The following GYG1 variants were observed in gnomAD, a reference collection of about 807,000 sequenced individuals.
GYG1 encodes glycogenin-1.
Under a neutral mutation model 41.9 loss-of-function variants are expected in GYG1, and 44 were observed. That is an observed-to-expected ratio of 1.05 (90% CI 0.83 to 1.35). The LOEUF is 1.35. Ranked by LOEUF, GYG1 falls within the 40% of genes most tolerant of loss-of-function variation. GYG1 has a pLI of 0.00. For missense variants in GYG1, 429 were observed against 418.9 expected (o/e 1.02, Z -0.21); for synonymous variants, 141 against 158.1 (o/e 0.89, Z 0.81).
In GYG1 at chr3:148,991,824, G is replaced by GC. The variant is rs991255005; in HGVS notation, c.7+183dup. ...TGCCTGCGTCAGCTGCCGCCCCGCC[G>GC]CCCCCCAGAGTGCAGGGATGGGGCA... On this transcript the variant is annotated intron_variant, in intron 1 of 7. Transcript: ENST00000345003. 3.9e-5 allele frequency among the ~76,000 whole-genome samples: 6 copies of GC among 152,296 alleles called. No homozygotes were observed. In the South Asian group the frequency reaches 1.0e-3, roughly 26 times the overall value.
At chr3:149,012,091 T>C (rs966103570) in intron 5 of GYG1, among the ~76,000 whole-genome samples, 9 of 151,146 alleles carry the variant, frequency 6.0e-5, no homozygotes, top group Non-Finnish European at 1.3e-4. Context: ...CATTTTTCCT[T>C]ATATTCTTTT....
intron 6 of GYG1, among the ~76,000 whole-genome samples, chr3:149,025,296 A>G (rs1043622970): frequency 3.3e-5 from 5 of 152,132 alleles, no homozygotes; most frequent in African/African-American, 7.2e-5. Flanking sequence ...GGAGCACACA[A>G]CCTAGATCCG....
At chr3:148,995,720 G>A (rs567646468) in intron 2 of GYG1, among the ~76,000 whole-genome samples, 4 of 152,302 alleles carry the variant, frequency 2.6e-5, no homozygotes, top group African/African-American at 9.6e-5. Context: ...CATCTCTGAT[G>A]TTATAAACTT....
At chr3:149,020,501 T>A (rs1395232435) in intron 5 of GYG1, among the ~76,000 whole-genome samples, 1 of 152,234 alleles carries the variant, frequency 6.6e-6, no homozygotes, top group African/African-American at 2.4e-5. Flanking sequence ...GTTATTTAAC[T>A]TCTTCATGCC....
intron 4 of GYG1, among the ~76,000 whole-genome samples, chr3:149,003,704 G>C (rs374665301): frequency 6.6e-6 from 1 of 152,076 alleles, no homozygotes; most frequent in African/African-American, 2.4e-5. Flanking sequence ...TTGCATTTCT[G>C]TCAAGCTCCC....
Position 149,028,173 on chromosome 3 carries a change from G to A in GYG1, c.*1240G>A, listed in dbSNP as rs1714753355. On this transcript the variant is annotated 3_prime_UTR_variant, in exon 8 of 8. Transcript: ENST00000345003. ...GGAAGAAACTTTAGAGGTTTGATTG[G>A]GCAAAAGCTGCAAAGCTTTTGTGAC... Among the ~76,000 whole-genome samples the A allele has an allele frequency of 6.6e-6, 1 of 152,054 alleles. No homozygotes were observed. The highest frequency in any genetic ancestry group is 6.6e-5 in the Admixed American group (1 of 15,248).
intron 5 of GYG1, among the ~76,000 whole-genome samples, chr3:149,012,975 T>C (rs1406537111): frequency 1.3e-5 from 2 of 148,652 alleles, no homozygotes; most frequent in Non-Finnish European, 3.0e-5. Context: ...ACTACAGGCA[T>C]GTGCCACTAT....
intron 5 of GYG1, among the ~76,000 whole-genome samples, chr3:149,010,350 C>T (rs1031054046): frequency 2.4e-5 from 3 of 125,808 alleles, no homozygotes; most frequent in East Asian, 2.4e-4. Context: ...TTTTTTGAGA[C>T]GAAGTCTCAC....
Position 148,991,585 on chromosome 3 carries a change from CT to C in GYG1, c.-54del. 1 of 1,546,756 alleles carries C rather than the reference CT, an allele frequency of 6.5e-7. No homozygotes were observed. Among genetic ancestry groups the C allele is most frequent in the Non-Finnish European group, 8.7e-7 (1 of 1,154,268 alleles). Reference sequence around the variant, plus strand: ...TGGCCGCGCTCCCTCCCGGTGCCGGCTTCTCTGAGTCACCAACCTGAGGCTG... The same window carrying C: ...TGGCCGCGCTCCCTCCCGGTGCCGGCTCTCTGAGTCACCAACCTGAGGCTG... On this transcript the variant is annotated 5_prime_UTR_variant, in exon 1 of 8. Coordinates refer to ENST00000345003, the MANE Select transcript of GYG1 (RefSeq NM_004130.4).
chr3:149,025,326 T>C (rs1714594602), intron 6 of GYG1, among the ~76,000 whole-genome samples: 1 of 152,136 alleles, frequency 6.6e-6, no homozygotes, highest in South Asian at 2.1e-4. Context: ...CAGTTTACAA[T>C]AGAGTTCACG....
Position 149,009,851 on chromosome 3 carries a change from G to T in GYG1, c.608+449G>T, listed in dbSNP as rs12497637. ...GGGATTAAGCCAGATGCAGGCAGCA[G>T]TGTGCTGCTGTGGCTAAGAATAAGG... On this transcript the variant is annotated intron_variant, in intron 5 of 7. Coordinates refer to ENST00000345003, the MANE Select transcript of GYG1 (RefSeq NM_004130.4). Among the ~76,000 whole-genome samples the T allele has an allele frequency of 9.0e-3, 1,367 of 152,320 alleles. 44 individuals carry two copies. Among genetic ancestry groups the T allele is most frequent in the Admixed American group, 0.066 (1,006 of 15,282 alleles).
At chr3:149,016,748 C>T (rs1714072423) in intron 5 of GYG1, among the ~76,000 whole-genome samples, 1 of 152,122 alleles carries the variant, frequency 6.6e-6, no homozygotes, top group Non-Finnish European at 1.5e-5. Context: ...ATGATCAGGC[C>T]CACTCCTTGG....
intron 5 of GYG1, among the ~76,000 whole-genome samples, chr3:149,023,436 C>CAT (rs1714475945): frequency 6.6e-6 from 1 of 152,162 alleles, no homozygotes; most frequent in Admixed American, 6.5e-5. Context: ...TCTTGTTGCA[C>CAT]ATACACAAGC....
intron 5 of GYG1, among the ~76,000 whole-genome samples, chr3:149,009,691 T>A (rs34744953): frequency 6.6e-6 from 1 of 152,158 alleles, no homozygotes; most frequent in Non-Finnish European, 1.5e-5. Context: ...AAACACAGAC[T>A]CTTAAGCTCT....
chr3:149,000,880 T>C (rs1300126594), intron 4 of GYG1: 9 of 152,118 alleles, frequency 5.9e-5, no homozygotes, highest in African/African-American at 2.2e-4. Context: ...TTAAGTAGAG[T>C]CCAGGATCCG....
At position 149,024,270 on chromosome 3, in the gene GYG1, G is replaced by A. The variant is rs1714533706; in HGVS notation, c.826G>A (p.Val276Met). 1.9e-6 allele frequency: 3 copies of A among 1,574,598 alleles called. No homozygotes were observed. Among genetic ancestry groups the A allele is most frequent in the South Asian group, 2.2e-5 (2 of 90,304 alleles). ...LVKDTCSYVN[V>M]LSDLVYTLAF... is the part of the protein sequence containing the mutation. ...CAAAGACACCTGCTCATATGTAAAT[G>A]TGGTAGGTTCTGTTTCTTTTCTTCA... The change falls in exon 6 of 8, where the codon GTG becomes ATG. Residue 276 changes from valine to methionine, a missense_variant and splice_region_variant. Transcript: ENST00000345003.
At chr3:148,992,113 C>T (rs994567619) in intron 1 of GYG1, among the ~76,000 whole-genome samples, 2 of 152,144 alleles carry the variant, frequency 1.3e-5, no homozygotes, top group African/African-American at 4.8e-5. Flanking sequence ...CGCCCGGCTC[C>T]TCCGCCGCCC....
intron 4 of GYG1, among the ~76,000 whole-genome samples, chr3:149,002,878 G>A (rs4681477): frequency 0.31 from 46,581 of 151,754 alleles, 7,113 homozygotes; most frequent in Admixed American, 0.32. Context: ...AAAATTAGCC[G>A]GGTGTGGTGG....
At chr3:148,996,498 G>T in intron 3 of GYG1, 22 bp downstream of exon 3, 1 of 1,591,274 alleles carries the variant, frequency 6.3e-7, no homozygotes. Flanking sequence ...TTTGAGGGTA[G>T]AAAAGAAAGA....
Sources: gnomAD v4.1 joint callset for allele counts (sites outside exome capture counted in the v4.1 genomes callset) on GRCh38, gnomAD v4.1.1 for gene constraint, MANE v1.5 for transcripts, NCBI Gene and HGNC (gene_info 2026-07-23, HGNC 2026-07-21) for gene names.